ERO1A: variants seen among roughly 807,000 people sequenced by gnomAD.
ERO1A encodes the protein ERO1-like protein alpha.
Under a neutral mutation model 76.9 loss-of-function variants are expected in ERO1A, and 49 were observed. The observed-to-expected ratio is 0.64, with a 90% CI of 0.51 to 0.81. The LOEUF (loss-of-function observed/expected upper bound fraction) is 0.81, where lower values mean the gene tolerates loss of function less well. Among genes scored for constraint, ERO1A ranks in the 30% least tolerant of loss-of-function variants. The pLI is 0.00. For missense variants in ERO1A, 448 were observed against 542.1 expected (o/e 0.83, Z 1.72); for synonymous variants, 174 against 181.2 (o/e 0.96, Z 0.32).
At chr14:52,687,660 T>C (rs1043039290) in intron 1 of ERO1A, among the ~76,000 whole-genome samples, 5 of 152,168 alleles carry the variant, frequency 3.3e-5, no homozygotes, top group South Asian at 2.1e-4. Flanking sequence ...CTACGCTATA[T>C]CCCAAAGTAA....
At chr14:52,677,864 TAA>T (rs71267893) in intron 4 of ERO1A, among the ~76,000 whole-genome samples, 142 of 87,132 alleles carry the variant, frequency 1.6e-3, no homozygotes, top group South Asian at 8.0e-3. Context: ...CCTTTTATCT[TAA>T]AAAAAAAAAA....
At chr14:52,667,462 G>A (rs2040450499) in intron 6 of ERO1A, among the ~76,000 whole-genome samples, 1 of 152,190 alleles carries the variant, frequency 6.6e-6, no homozygotes, top group Admixed American at 6.5e-5. Context: ...GTTCATGCCT[G>A]TAATCCCAGC....
At chr14:52,676,981 A>T (rs187919559) in intron 4 of ERO1A, among the ~76,000 whole-genome samples, 65 of 152,310 alleles carry the variant, frequency 4.3e-4, no homozygotes, top group Non-Finnish European at 5.9e-4. Flanking sequence ...AAAAATGATA[A>T]ATCAGAAAGG....
chr14:52,688,491 A>G (rs1378439816), intron 1 of ERO1A, among the ~76,000 whole-genome samples: 1 of 152,260 alleles, frequency 6.6e-6, no homozygotes, highest in African/African-American at 2.4e-5. Context: ...ATACCAAGAT[A>G]AATAGTACAA....
intron 7 of ERO1A, chr14:52,664,053 C>T (rs1429801347): frequency 2.7e-6 from 1 of 374,822 alleles, no homozygotes; most frequent in Non-Finnish European, 5.0e-6. Context: ...CCCATTGTGG[C>T]GGCCAGCAGG....
At chr14:52,662,780 G>C (rs1226775564) in intron 8 of ERO1A, among the ~76,000 whole-genome samples, 2 of 152,170 alleles carry the variant, frequency 1.3e-5, no homozygotes, top group African/African-American at 2.4e-5. Context: ...TAAATGAAGA[G>C]AGCAATTTTC....
intron 3 of ERO1A, among the ~76,000 whole-genome samples, chr14:52,679,989 G>C (rs184681253): frequency 6.6e-6 from 1 of 151,136 alleles, no homozygotes; most frequent in Non-Finnish European, 1.5e-5. Flanking sequence ...AGGCCCAGGA[G>C]GCAGAGGTTG....
chr14:52,680,083 A>C (rs2040938857), intron 3 of ERO1A, among the ~76,000 whole-genome samples: 1 of 1,620 alleles, frequency 6.2e-4, no homozygotes, highest in African/African-American at 1.7e-3. Flanking sequence ...AAACACAAAC[A>C]AAAAAAAAAA....
intron 4 of ERO1A, among the ~76,000 whole-genome samples, chr14:52,675,337 C>T (rs941456454): frequency 5.3e-5 from 8 of 151,212 alleles, no homozygotes; most frequent in South Asian, 2.1e-4. Flanking sequence ...GAGCCAAGAT[C>T]GCGCCATTGC....
chr14:52,666,393 T>C lies in ERO1A; in HGVS notation c.611A>G (p.Tyr204Cys). 1 of 1,606,474 alleles carries C rather than the reference T, an allele frequency of 6.2e-7. No homozygotes were observed. Among genetic ancestry groups the C allele is most frequent in the Non-Finnish European group, 8.5e-7 (1 of 1,177,342 alleles). Residue 204 changes from tyrosine (Y) to cysteine (C), a missense_variant, in exon 7 of 16, where the codon TAC (tyrosine) becomes TGC (cysteine). Coordinates refer to ENST00000395686, the MANE Select transcript of ERO1A (RefSeq NM_014584.3). ...PDAWKIWNVIYEENCFKPQTI... is the reference protein window; with the variant it reads ...PDAWKIWNVICEENCFKPQTI... ...CACATACTTAAAACAGTTTTCTTCGTAGATGACATTCCATATTTTCCAAGC... is the reference window on the plus strand; with the variant it reads ...CACATACTTAAAACAGTTTTCTTCGCAGATGACATTCCATATTTTCCAAGC...
intron 12 of ERO1A, 100 bp from the exon 13 acceptor site, chr14:52,652,408 A>AACATAG (rs2039902592): frequency 1.3e-6 from 1 of 751,094 alleles, no homozygotes; most frequent in Non-Finnish European, 2.3e-6. Context: ...AAGAGGAGAA[A>AACATAG]ACATAGTAAA....
intron 7 of ERO1A, among the ~76,000 whole-genome samples, chr14:52,664,516 A>G (rs1594825682): frequency 6.6e-6 from 1 of 152,348 alleles, no homozygotes; most frequent in African/African-American, 2.4e-5. Context: ...TTTTGAGAAC[A>G]GAATATGTAA....
At chr14:52,676,789 C>T (rs2040798959) in intron 4 of ERO1A, among the ~76,000 whole-genome samples, 1 of 151,386 alleles carries the variant, frequency 6.6e-6, no homozygotes, top group Admixed American at 6.6e-5. Context: ...AATCCCAACC[C>T]TTTGAGAGGC....
chr14:52,651,796 G>A (rs993422374), intron 13 of ERO1A, among the ~76,000 whole-genome samples: 5 of 151,840 alleles, frequency 3.3e-5, no homozygotes, highest in African/African-American at 1.2e-4. Flanking sequence ...TTTTTGTATA[G>A]TGGAAACCTT....
chr14:52,694,476 A>G (rs1286417346), intron 1 of ERO1A, among the ~76,000 whole-genome samples: 1 of 152,234 alleles, frequency 6.6e-6, no homozygotes, highest in Non-Finnish European at 1.5e-5. Context: ...ATAAAATGGT[A>G]TTTCTGATAA....
Position 52,640,705 on chromosome 14 carries a change from T to TA in ERO1A, c.*2864dup. The TA allele has an allele frequency of 6.6e-6, 1 of 152,050 alleles. No homozygotes were observed. The highest frequency in any genetic ancestry group is 1.9e-4 in the East Asian group (1 of 5,190). 9.4% of individuals were successfully genotyped at this position (152,050 alleles called of 1,614,324 possible). ...GAGTGATGTATCAGAGAGGTGGAGA[T>TA]AAAATCAGTAAAACTTAGACACTAA... On this transcript the variant is annotated 3_prime_UTR_variant, in exon 16 of 16. Transcript: ENST00000395686.
rs907577594 is a variant in ERO1A, at chr14:52,643,394, T to A, written c.*176A>T. On this transcript the variant is annotated 3_prime_UTR_variant, in exon 16 of 16. Coordinates refer to ENST00000395686, the MANE Select transcript of ERO1A (RefSeq NM_014584.3). Reference sequence around the variant, plus strand: ...CTTTTACTCACAGTAGTATTATACATAGACTTAACACAATTTTTAAAAATG... The same window carrying A: ...CTTTTACTCACAGTAGTATTATACAAAGACTTAACACAATTTTTAAAAATG... The A allele has an allele frequency of 2.1e-6, 1 of 472,956 alleles. No homozygotes were observed. The highest frequency in any genetic ancestry group is 2.1e-5 in the African/African-American group (1 of 48,752). The allele number at this position is 472,956 out of a possible 1,614,324, so 29.3% of individuals were successfully genotyped here.
chr14:52,682,480 T>C, intron 2 of ERO1A, 72 bp from the exon 3 acceptor site: 2 of 1,167,388 alleles, frequency 1.7e-6, no homozygotes, highest in Non-Finnish European at 2.5e-6. Flanking sequence ...TTACAAATTA[T>C]GGTGCTATAA....
intron 6 of ERO1A, among the ~76,000 whole-genome samples, chr14:52,667,175 A>G (rs1047838720): frequency 1.3e-5 from 2 of 152,244 alleles, no homozygotes; most frequent in Non-Finnish European, 2.9e-5. Context: ...AGTATTGTAC[A>G]CTGCGTGTTA....
Sources: allele counts gnomAD v4.1 joint callset (sites outside exome capture counted in the v4.1 genomes callset), GRCh38; gene constraint gnomAD v4.1.1; transcripts MANE v1.5; gene names NCBI Gene and HGNC (gene_info 2026-07-23, HGNC 2026-07-21).